The following SIPA1L1 variants were observed in gnomAD, a reference collection of about 807,000 sequenced individuals.
SIPA1L1 encodes the protein signal induced proliferation associated 1 like 1, also known as signal-induced proliferation-associated 1-like protein 1.
In SIPA1L1, 26 loss-of-function variants were observed where a neutral mutation model predicts 162.7. The ratio of observed to expected loss-of-function variants is 0.16; its 90% CI spans 0.12 to 0.22. The LOEUF is 0.22. Ranked by LOEUF, SIPA1L1 falls within the 10% of genes least tolerant of loss-of-function variation. The pLI, the probability that SIPA1L1 is intolerant of heterozygous loss-of-function variation, is 1.00. For synonymous variants in SIPA1L1, 829 were observed against 837.4 expected (o/e 0.99, Z 0.17); for missense variants, 1,874 against 2,241.0 (o/e 0.84, Z 3.31).
At chr14:71,652,297 C>T (rs1416985437) in intron 8 of SIPA1L1, among the ~76,000 whole-genome samples, 9 of 152,296 alleles carry the variant, frequency 5.9e-5, no homozygotes, top group African/African-American at 2.2e-4. Flanking sequence ...ACCTCAGCTG[C>T]CTCCTACTGG....
chr14:71,562,501 A>G (rs947021951), intron 4 of SIPA1L1, among the ~76,000 whole-genome samples: 1 of 152,216 alleles, frequency 6.6e-6, no homozygotes, highest in Non-Finnish European at 1.5e-5. Context: ...TACATCAATA[A>G]TGTATCCAAA....
At chr14:71,633,091 T>C (rs1001646553) in intron 7 of SIPA1L1, among the ~76,000 whole-genome samples, 2 of 150,328 alleles carry the variant, frequency 1.3e-5, no homozygotes, top group Non-Finnish European at 3.0e-5. Flanking sequence ...AATGTTTCAA[T>C]GAGCAATTAC....
chr14:71,573,515 G>A (rs1205803218), intron 4 of SIPA1L1: 1 of 455,120 alleles, frequency 2.2e-6, no homozygotes, highest in Non-Finnish European at 4.4e-6. Flanking sequence ...GGGACCTCAA[G>A]AGAAAGAGTG....
At chr14:71,644,599 TG>T (rs2042000826) in intron 7 of SIPA1L1, among the ~76,000 whole-genome samples, 3 of 152,340 alleles carry the variant, frequency 2.0e-5, no homozygotes, top group African/African-American at 7.2e-5. Flanking sequence ...TTGGAAAAAT[TG>T]GTTCTCTTAT....
chr14:71,678,505 T>G (rs2045450321), intron 12 of SIPA1L1, among the ~76,000 whole-genome samples: 1 of 152,192 alleles, frequency 6.6e-6, no homozygotes, highest in African/African-American at 2.4e-5. Flanking sequence ...TTGATCATGG[T>G]GGATAAGCTT....
At chr14:71,363,416 A>G (rs1036412226) in intron 2 of SIPA1L1, among the ~76,000 whole-genome samples, 9 of 151,850 alleles carry the variant, frequency 5.9e-5, no homozygotes, top group African/African-American at 2.2e-4. Context: ...AGAAAACCAC[A>G]TTGCATAGAA....
chr14:71,363,028 C>A (rs982718705), intron 2 of SIPA1L1, among the ~76,000 whole-genome samples: 2 of 152,224 alleles, frequency 1.3e-5, no homozygotes, highest in African/African-American at 4.8e-5. Flanking sequence ...TGTGCACACA[C>A]ACGCACACTC....
chr14:71,477,718 A>G (rs2047996356), intron 2 of SIPA1L1, among the ~76,000 whole-genome samples: 1 of 151,826 alleles, frequency 6.6e-6, no homozygotes, highest in Non-Finnish European at 1.5e-5. Context: ...AGATCCCTTT[A>G]TATGAAGGTA....
rs545642563 is a variant in SIPA1L1 at position 71,563,807 on chromosome 14, A to T, written c.-302-23764A>T. Among the ~76,000 whole-genome samples the T allele has an allele frequency of 1.7e-4, 26 of 152,300 alleles. 1 individual carries two copies. The East Asian group carries it at 2.1e-3, about 12-fold the overall frequency. On this transcript the variant is annotated intron_variant, in intron 4 of 23. Transcript: ENST00000381232. ...GTTTTCGTAACTCTCCAGCAATCTT[A>T]GGCAGTGGTCCTGTGTATTCTTACT...
intron 2 of SIPA1L1, among the ~76,000 whole-genome samples, chr14:71,367,984 T>TAAGTAG (rs1428483619): frequency 1.3e-5 from 2 of 150,842 alleles, no homozygotes; most frequent in Admixed American, 6.6e-5. Context: ...CATTGGGGGT[T>TAAGTAG]AAGTAGTAAA....
At chr14:71,341,975 ATG>A (rs765309831) in intron 2 of SIPA1L1, among the ~76,000 whole-genome samples, 15 of 151,876 alleles carry the variant, frequency 9.9e-5, no homozygotes, top group Non-Finnish European at 1.8e-4. Flanking sequence ...GTGTGAGTGT[ATG>A]TGTCTTTTCA....
intron 3 of SIPA1L1, among the ~76,000 whole-genome samples, chr14:71,523,190 G>T (rs1417575265): frequency 1.3e-5 from 2 of 150,148 alleles, no homozygotes; most frequent in African/African-American, 2.5e-5. Context: ...TCCCTTATTT[G>T]CTCATATTTT....
At chr14:71,650,269 T>C (rs769242680) in intron 7 of SIPA1L1, 66 bp from the exon 8 acceptor site, 4 of 1,542,256 alleles carry the variant, frequency 2.6e-6, no homozygotes, top group Non-Finnish European at 3.6e-6. Flanking sequence ...TAGGACCTTT[T>C]AGCATTTGAC....
intron 2 of SIPA1L1, among the ~76,000 whole-genome samples, chr14:71,496,893 T>C (rs186235806): frequency 6.6e-6 from 1 of 152,286 alleles, no homozygotes; most frequent in African/African-American, 2.4e-5. Flanking sequence ...GATCCTGGGC[T>C]GGGCGCGGTG....
At chr14:71,356,643 C>A (rs1215176503) in intron 2 of SIPA1L1, among the ~76,000 whole-genome samples, 1 of 148,706 alleles carries the variant, frequency 6.7e-6, no homozygotes, top group Non-Finnish European at 1.5e-5. Context: ...CGCTTGAGCC[C>A]AGTTCAAGGC....
intron 4 of SIPA1L1, among the ~76,000 whole-genome samples, chr14:71,548,460 G>C (rs918089939): frequency 6.6e-6 from 1 of 152,104 alleles, no homozygotes; most frequent in Non-Finnish European, 1.5e-5. Flanking sequence ...GATAAAATCA[G>C]TGTGCATGGA....
intron 2 of SIPA1L1, among the ~76,000 whole-genome samples, chr14:71,512,182 A>C (rs2051211077): frequency 6.6e-6 from 1 of 152,106 alleles, no homozygotes; most frequent in Admixed American, 6.5e-5. Context: ...TGTGGGATCT[A>C]AGCTATGAGG....
At chr14:71,544,413 G>C (rs182327580) in intron 4 of SIPA1L1, among the ~76,000 whole-genome samples, 5 of 151,456 alleles carry the variant, frequency 3.3e-5, no homozygotes, top group African/African-American at 1.2e-4. Flanking sequence ...ACTTTTCCTT[G>C]TCTGTAGCTT....
At chr14:71,737,550 C>G (rs946310352) in intron 22 of SIPA1L1, among the ~76,000 whole-genome samples, 8 of 152,226 alleles carry the variant, frequency 5.3e-5, no homozygotes, top group Non-Finnish European at 1.2e-4. Flanking sequence ...GTCTAGCTCG[C>G]TGGCTGGCCT....
Sources: gnomAD v4.1 joint callset for allele counts (sites outside exome capture counted in the v4.1 genomes callset) on GRCh38, gnomAD v4.1.1 for gene constraint, MANE v1.5 for transcripts, NCBI Gene and HGNC (gene_info 2026-07-23, HGNC 2026-07-21) for gene names.